Variants in TTLL5 observed in about 807,000 individuals in gnomAD.
The protein encoded by TTLL5 is tubulin polyglutamylase TTLL5.
Under a neutral mutation model 168.4 loss-of-function variants are expected in TTLL5, and 132 were observed. The observed-to-expected ratio is 0.78, with a 90% CI of 0.68 to 0.91. The LOEUF (loss-of-function observed/expected upper bound fraction) is 0.91, where lower values mean the gene tolerates loss of function less well. Ranked by LOEUF, TTLL5 falls within the 40% of genes least tolerant of loss-of-function variation. The probability of loss-of-function intolerance (pLI) is 0.00; values close to 1 mark genes in which losing one functional copy is unlikely to be tolerated. For missense variants in TTLL5, 1,545 were observed against 1,581.5 expected (o/e 0.98, Z 0.39); for synonymous variants, 546 against 558.6 (o/e 0.98, Z 0.32).
At chr14:75,930,253 T>TA (rs2034231443) in intron 31 of TTLL5, among the ~76,000 whole-genome samples, 1 of 152,088 alleles carries the variant, frequency 6.6e-6, no homozygotes. Flanking sequence ...ACATACAAGG[T>TA]AAAACAGAAT....
At chr14:75,826,294 C>T (rs918697503) in intron 28 of TTLL5, among the ~76,000 whole-genome samples, 6 of 137,580 alleles carry the variant, frequency 4.4e-5, no homozygotes, top group African/African-American at 1.1e-4. Context: ...TTAGGATACG[C>T]GTACACACAC....
chr14:75,715,317 G>T, intron 9 of TTLL5, among the ~76,000 whole-genome samples: 1 of 140,694 alleles, frequency 7.1e-6, no homozygotes, highest in Admixed American at 7.4e-5. Context: ...TGTGGGCCCT[G>T]GCTACCCCTG....
At chr14:75,873,447 C>T (rs2031212868) in intron 29 of TTLL5, among the ~76,000 whole-genome samples, 1 of 152,198 alleles carries the variant, frequency 6.6e-6, no homozygotes, top group South Asian at 2.1e-4. Flanking sequence ...CTTTCCCATC[C>T]AGCCTCTGAC....
intron 31 of TTLL5, among the ~76,000 whole-genome samples, chr14:75,931,840 C>T: frequency 6.6e-6 from 1 of 152,302 alleles, no homozygotes; most frequent in East Asian, 1.9e-4. Context: ...TTACTATCAA[C>T]TCCTGTAGCA....
intron 4 of TTLL5, among the ~76,000 whole-genome samples, chr14:75,681,922 A>G (rs1884647000): frequency 6.6e-6 from 1 of 152,054 alleles, no homozygotes. Context: ...AGGTTCTTTG[A>G]TTGCAGGCAA....
intron 28 of TTLL5, among the ~76,000 whole-genome samples, chr14:75,853,976 G>A (rs994138481): frequency 2.0e-5 from 3 of 152,080 alleles, no homozygotes; most frequent in Non-Finnish European, 4.4e-5. Context: ...CCCAGAGGCA[G>A]AGGTTGCAGT....
At chr14:75,950,580 C>G (rs2359992) in intron 31 of TTLL5, among the ~76,000 whole-genome samples, 131,750 of 152,234 alleles carry the variant, frequency 0.87, 57,235 homozygotes, top group African/African-American at 0.93. Context: ...ACAAATGGTA[C>G]GATGCCGATC....
chr14:75,869,821 A>ATTTTTTTTTTTTTTTT (rs10658095), intron 29 of TTLL5, among the ~76,000 whole-genome samples: 2,025 of 82,342 alleles, frequency 0.025, 364 homozygotes, highest in Non-Finnish European at 0.028. Context: ...TTCAACAAGT[A>ATTTTTTTTTTTTTTTT]TTTTTTTTTT....
intron 31 of TTLL5, among the ~76,000 whole-genome samples, chr14:75,938,139 A>C (rs934629793): frequency 1.3e-5 from 2 of 152,254 alleles, no homozygotes; most frequent in African/African-American, 4.8e-5. Context: ...TAAAATTAGC[A>C]TCATGGATGA....
chr14:75,752,058 G>A lies in TTLL5; in HGVS notation c.1488-835G>A, dbSNP rs1456926883. On this transcript the variant is annotated intron_variant, in intron 17 of 31. Transcript: ENST00000298832. Reference sequence around the variant, plus strand: ...CTGTCGTGGTGCTGGTGGGAGTGTAGCAGTGAGGACAACCATTGTTCCTCT... The same window carrying A: ...CTGTCGTGGTGCTGGTGGGAGTGTAACAGTGAGGACAACCATTGTTCCTCT... Among the ~76,000 whole-genome samples, 4 of 152,164 alleles carry A rather than the reference G, an allele frequency of 2.6e-5. No homozygotes were observed. In the South Asian group the frequency reaches 6.2e-4, roughly 24 times the overall value.
At position 75,954,675 on chromosome 14, in the gene TTLL5, G is replaced by A; in HGVS notation, c.*229G>A. 1 of 588,302 alleles carries A rather than the reference G, an allele frequency of 1.7e-6. No individual in the cohort carries two copies. 36.4% of individuals were successfully genotyped at this position (588,302 alleles called of 1,614,324 possible). A position where few individuals can be genotyped will look rare whatever the true frequency, so the allele number is the denominator to read the frequency against. On this transcript the variant is annotated 3_prime_UTR_variant, in exon 32 of 32. Coordinates refer to ENST00000298832, the MANE Select transcript of TTLL5 (RefSeq NM_015072.5). Reference sequence around the variant, plus strand: ...CTGGGTTTTGATGGAACTTGGCAGTGGGGACATTCAGCTGATGCATTATAT... The same window carrying A: ...CTGGGTTTTGATGGAACTTGGCAGTAGGGACATTCAGCTGATGCATTATAT...
chr14:75,737,450 T>G, intron 15 of TTLL5: 2 of 1,015,110 alleles, frequency 2.0e-6, no homozygotes, highest in Non-Finnish European at 2.8e-6. Flanking sequence ...GGCTCTTGCT[T>G]TTGGTTTCTG....
At chr14:75,854,653 C>T (rs1028590572) in intron 28 of TTLL5, among the ~76,000 whole-genome samples, 1 of 152,178 alleles carries the variant, frequency 6.6e-6, no homozygotes, top group Non-Finnish European at 1.5e-5. Context: ...GTTCTAGTTG[C>T]TCTTCATGCT....
At chr14:75,797,937 G>A (rs1418868109) in intron 27 of TTLL5, among the ~76,000 whole-genome samples, 1 of 151,974 alleles carries the variant, frequency 6.6e-6, no homozygotes, top group Admixed American at 6.6e-5. Context: ...CCTGGGTTTG[G>A]TATTAGGGTG....
intron 28 of TTLL5, among the ~76,000 whole-genome samples, chr14:75,845,904 A>G (rs531612106): frequency 3.3e-5 from 5 of 152,338 alleles, no homozygotes; most frequent in Middle Eastern, 3.4e-3. Flanking sequence ...TAGCGTACAA[A>G]GGACAGATGG....
intron 31 of TTLL5, among the ~76,000 whole-genome samples, chr14:75,906,894 G>T (rs1429971083): frequency 6.6e-6 from 1 of 152,190 alleles, no homozygotes. Context: ...AGGTGGCGCT[G>T]TGGCAGTAAG....
chr14:75,668,082 G>A (rs1883430268), intron 2 of TTLL5, among the ~76,000 whole-genome samples: 2 of 151,896 alleles, frequency 1.3e-5, no homozygotes, highest in African/African-American at 4.8e-5. Flanking sequence ...TTTTAAAGTT[G>A]GATTGGGAGG....
chr14:75,877,712 TAGAG>T (rs1023031882), intron 29 of TTLL5, among the ~76,000 whole-genome samples: 10 of 152,222 alleles, frequency 6.6e-5, no homozygotes, highest in African/African-American at 2.2e-4. Flanking sequence ...TACAAATTAT[TAGAG>T]AGAACTTCAT....
intron 31 of TTLL5, among the ~76,000 whole-genome samples, chr14:75,941,768 G>A (rs1024783111): frequency 1.7e-4 from 25 of 150,946 alleles, no homozygotes; most frequent in African/African-American, 5.9e-4. Context: ...AGCCTCCTAA[G>A]CTGGGATTAT....
Sources: allele counts gnomAD v4.1 joint callset (sites outside exome capture counted in the v4.1 genomes callset), GRCh38; gene constraint gnomAD v4.1.1; transcripts MANE v1.5; gene names NCBI Gene and HGNC (gene_info 2026-07-23, HGNC 2026-07-21).